The following SPDL1 variants were observed in gnomAD, a reference collection of about 807,000 sequenced individuals.
SPDL1 encodes spindle apparatus coiled-coil protein 1, also known as protein Spindly.
SPDL1 carries 85 observed loss-of-function variants against 79.5 expected under a neutral mutation model. The ratio of observed to expected loss-of-function variants is 1.07; its 90% CI spans 0.90 to 1.28. SPDL1 has a LOEUF of 1.28. SPDL1 is among the 50% of genes most tolerant of loss of function. SPDL1 has a pLI of 0.00. For missense variants in SPDL1, 703 were observed against 697.8 expected (o/e 1.01, Z -0.08); for synonymous variants, 269 against 240.3 (o/e 1.12, Z -1.10).
chr5:169,592,232 T>TC (rs1755328064), intron 3 of SPDL1, among the ~76,000 whole-genome samples: 1 of 147,858 alleles, frequency 6.8e-6, no homozygotes, highest in Non-Finnish European at 1.5e-5. Flanking sequence ...TTTTTTTTTT[T>TC]TTGAGGCAGA....
At chr5:169,593,047 A>G (rs1205616695) in intron 3 of SPDL1, among the ~76,000 whole-genome samples, 1 of 152,030 alleles carries the variant, frequency 6.6e-6, no homozygotes, top group Non-Finnish European at 1.5e-5. Context: ...TAGCCTTCTG[A>G]CCAGGTTGCT....
chr5:169,604,051 T>TTCCCAA lies in SPDL1; in HGVS notation c.1671-9_1671-8insTCCCAA. The TTCCCAA allele has an allele frequency of 6.2e-7, 1 of 1,603,374 alleles. No homozygotes were observed. Among genetic ancestry groups the TTCCCAA allele is most frequent in the Non-Finnish European group, 8.5e-7 (1 of 1,175,980 alleles). The stretch of plus-strand genomic sequence containing the variant: ...TTTGAATTCAGAGTGGATGCTTTAA[T>TTCCCAA]GCCTGTAGGTTAGCTGCTGAATCAA... On this transcript the variant is annotated splice_polypyrimidine_tract_variant and intron_variant, in intron 11 of 11. Coordinates refer to ENST00000265295, the MANE Select transcript of SPDL1 (RefSeq NM_017785.5).
At chr5:169,593,608 C>A in intron 4 of SPDL1, 60 bp downstream of exon 4, 1 of 1,468,886 alleles carries the variant, frequency 6.8e-7, no homozygotes, top group Non-Finnish European at 9.1e-7. Flanking sequence ...CATATTTTTA[C>A]ATGTTTTGGT....
rs1224491540 is a variant in SPDL1 at position 169,604,088 on chromosome 5, G to A, written c.1699G>A (p.Glu567Lys). Residue 567 changes from glutamate to lysine, a missense_variant, in exon 12 of 12, where the codon GAA becomes AAA. Physicochemically the swap from Glu to Lys is moderately conservative, Grantham distance 56. Coordinates refer to ENST00000265295, the MANE Select transcript of SPDL1 (RefSeq NM_017785.5). Reference protein sequence around the residue: ...RLAAESKLQTEVKEGKETSSK... With the variant: ...RLAAESKLQTKVKEGKETSSK... The stretch of plus-strand genomic sequence containing the variant: ...AGCTGCTGAATCAAAGCTTCAAACA[G>A]AAGTTAAAGAAGGAAAAGAAACTTC... 1 of 1,612,346 alleles carries A rather than the reference G, an allele frequency of 6.2e-7. No homozygotes were observed. The highest frequency in any genetic ancestry group is 8.5e-7 in the Non-Finnish European group (1 of 1,179,374).
At chr5:169,598,227 A>G (rs1445017038) in intron 8 of SPDL1, among the ~76,000 whole-genome samples, 1 of 152,202 alleles carries the variant, frequency 6.6e-6, no homozygotes, top group African/African-American at 2.4e-5. Context: ...TAGGCCTTGT[A>G]GTCAGATTTG....
rs1755463169 is a variant in SPDL1, at chr5:169,594,273, T to C, written c.660T>C (p.Val220=). The C allele has an allele frequency of 1.9e-6, 3 of 1,614,000 alleles. No individual in the cohort carries two copies. In the African/African-American group the frequency reaches 4.0e-5, roughly 22 times the overall value. Residue 220 remains valine (V), a synonymous_variant, in exon 5 of 12, where the codon GTT becomes GTC. Coordinates refer to ENST00000265295, the MANE Select transcript of SPDL1 (RefSeq NM_017785.5). The stretch of plus-strand genomic sequence containing the variant: ...AAGAGGAGCGAGAGAAAGAAGCAGT[T>C]TCTTACTATAATGCCCTAGAGGTAC... ...EEKEEREKEA[V]SYYNALEKAR... is the part of the protein sequence containing the mutation.
chr5:169,597,232 TTG>T (rs56336716), intron 8 of SPDL1, among the ~76,000 whole-genome samples: 5,577 of 149,218 alleles, frequency 0.037, 163 homozygotes, highest in African/African-American at 0.089. Context: ...GTGTAAGCAT[TTG>T]TGTGTGTGTG....
intron 1 of SPDL1, among the ~76,000 whole-genome samples, chr5:169,586,683 A>T (rs961276574): frequency 2.0e-5 from 3 of 152,108 alleles, no homozygotes; most frequent in Non-Finnish European, 4.4e-5. Context: ...TTTTTCACAC[A>T]TCCCAAATTA....
intron 3 of SPDL1, 125 bp from the exon 4 acceptor site, chr5:169,593,229 C>A: frequency 1.3e-6 from 1 of 798,244 alleles, no homozygotes; most frequent in Non-Finnish European, 1.9e-6. Context: ...GATGCCTAAC[C>A]TTGGGCAAAT....
chr5:169,593,320 T>G, intron 3 of SPDL1, 34 bp from the exon 4 acceptor site: 1 of 1,536,004 alleles, frequency 6.5e-7, no homozygotes, highest in Non-Finnish European at 8.8e-7. Context: ...AGAAAATAAC[T>G]TTCAATTTAT....
At chr5:169,598,631 T>C in intron 9 of SPDL1, 52 bp downstream of exon 9, 2 of 1,412,228 alleles carry the variant, frequency 1.4e-6, no homozygotes, top group Non-Finnish European at 2.0e-6. Context: ...TTGCTTACTA[T>C]GGTAGTGTCA....
intron 7 of SPDL1, chr5:169,595,759 C>G (rs1001133896): frequency 2.0e-5 from 3 of 152,182 alleles, no homozygotes; most frequent in African/African-American, 7.2e-5. Context: ...CCCAAACTAT[C>G]TTTAGAGACT....
At chr5:169,594,739 T>A in intron 7 of SPDL1, 58 bp downstream of exon 7, 1 of 1,109,892 alleles carries the variant, frequency 9.0e-7, no homozygotes, top group Non-Finnish European at 1.3e-6. Context: ...GCATTACATG[T>A]ATGAATACAT....
intron 4 of SPDL1, 107 bp downstream of exon 4, chr5:169,593,655 T>A (rs1755421080): frequency 8.8e-7 from 1 of 1,139,282 alleles, no homozygotes; most frequent in Non-Finnish European, 1.2e-6. Flanking sequence ...GCTGAAACAT[T>A]TTTTGACCTA....
intron 1 of SPDL1, chr5:169,584,117 C>G (rs1374160981): frequency 1.3e-5 from 2 of 152,258 alleles, no homozygotes; most frequent in African/African-American, 4.8e-5. Context: ...AACGTTGGGT[C>G]GGTTGCCGGG....
intron 2 of SPDL1, among the ~76,000 whole-genome samples, chr5:169,589,828 A>T (rs1755183587): frequency 6.6e-6 from 1 of 151,482 alleles, no homozygotes; most frequent in Non-Finnish European, 1.5e-5. Flanking sequence ...CAGCCTTCCG[A>T]GTAGCTCGGG....
intron 7 of SPDL1, 24 bp from the exon 8 acceptor site, chr5:169,596,537 G>C: frequency 6.3e-7 from 1 of 1,593,076 alleles, no homozygotes; most frequent in Non-Finnish European, 8.6e-7. Context: ...AATTTTATTA[G>C]AGGGGGTAAT....
chr5:169,594,667 A>G lies in SPDL1; in HGVS notation c.877A>G (p.Met293Val). 2 of 1,611,350 alleles carry G rather than the reference A, an allele frequency of 1.2e-6. No homozygotes were observed. The highest frequency in any genetic ancestry group is 2.2e-5 in the South Asian group (2 of 90,972). Residue 293 changes from methionine (M) to valine (V), a missense_variant, in exon 7 of 12, where the codon ATG (methionine) becomes GTG (valine). Coordinates refer to ENST00000265295, the MANE Select transcript of SPDL1 (RefSeq NM_017785.5). ...GCAAAATGTATTTAACAGAGAACAGATGCAGAGAATGAAGGTATAGAACTT... is the reference window on the plus strand; with the variant it reads ...GCAAAATGTATTTAACAGAGAACAGGTGCAGAGAATGAAGGTATAGAACTT... ...KKQNVFNREQ[M>V]QRMKLQIATL...
At chr5:169,597,063 C>T (rs1755623703) in intron 8 of SPDL1, among the ~76,000 whole-genome samples, 1 of 152,132 alleles carries the variant, frequency 6.6e-6, no homozygotes, top group South Asian at 2.1e-4. Context: ...TTTATTTACT[C>T]TGATACTCAA....
Sources: allele counts gnomAD v4.1 joint callset (sites outside exome capture counted in the v4.1 genomes callset), GRCh38; gene constraint gnomAD v4.1.1; transcripts MANE v1.5; gene names NCBI Gene and HGNC (gene_info 2026-07-23, HGNC 2026-07-21).